FAM13A: variants seen among roughly 807,000 people sequenced by gnomAD.
FAM13A encodes protein FAM13A.
A neutral mutation model predicts 129.6 loss-of-function variants in FAM13A; 76 were observed. The ratio of observed to expected loss-of-function variants is 0.59; its 90% CI spans 0.49 to 0.71. The LOEUF is 0.71. Among genes scored for constraint, FAM13A ranks in the 30% least tolerant of loss-of-function variants. The probability of loss-of-function intolerance (pLI) is 0.00; values close to 1 mark genes in which losing one functional copy is unlikely to be tolerated. For missense variants in FAM13A, 1,108 were observed against 1,249.3 expected, an observed-to-expected ratio of 0.89 and a Z score of 1.70; for synonymous variants, 443 against 449.9, an observed-to-expected ratio of 0.98 and a Z score of 0.20.
chr4:89,031,762 T>C (rs1437817672), intron 1 of FAM13A, among the ~76,000 whole-genome samples: 1 of 152,224 alleles, frequency 6.6e-6, no homozygotes, highest in Non-Finnish European at 1.5e-5. Context: ...AATATTCTGA[T>C]GACCTAATAA....
chr4:89,035,293 T>C (rs775401975), intron 1 of FAM13A, among the ~76,000 whole-genome samples: 114 of 152,126 alleles, frequency 7.5e-4, no homozygotes, highest in Admixed American at 9.2e-4. Flanking sequence ...CATCACGTAA[T>C]ATACCCTTGT....
At chr4:88,801,571 A>T (rs1290228312) in intron 8 of FAM13A, among the ~76,000 whole-genome samples, 1 of 152,232 alleles carries the variant, frequency 6.6e-6, no homozygotes, top group East Asian at 1.9e-4. Context: ...ACCTGCTAGA[A>T]GACAGGTGTT....
chr4:89,044,834 T>A (rs1411750324), intron 1 of FAM13A, among the ~76,000 whole-genome samples: 1 of 151,646 alleles, frequency 6.6e-6, no homozygotes, highest in Non-Finnish European at 1.5e-5. Context: ...AAGACAAAAA[T>A]TGTCTAGTTC....
chr4:88,828,024 A>G (rs1364206986), intron 7 of FAM13A, among the ~76,000 whole-genome samples: 2 of 152,302 alleles, frequency 1.3e-5, no homozygotes, highest in South Asian at 2.1e-4. Context: ...GAACTTTTCT[A>G]TCCTAAATAT....
At chr4:88,737,425 G>T in intron 21 of FAM13A, 47 bp downstream of exon 21, 1 of 1,510,212 alleles carries the variant, frequency 6.6e-7, no homozygotes, top group South Asian at 1.1e-5. Context: ...GGAGGAGGGA[G>T]GGAACTGGTG....
Position 88,727,209 on chromosome 4 carries a change from C to T in FAM13A, c.*1324G>A, listed in dbSNP as rs986514412. 2.0e-5 allele frequency: 3 copies of T among 152,676 alleles called. No homozygotes were observed. Among genetic ancestry groups the T allele is most frequent in the African/African-American group, 7.2e-5 (3 of 41,444 alleles). The allele number at this position is 152,676 out of a possible 1,614,324, so 9.5% of individuals were successfully genotyped here. ...TCAGCCGTGGCAGGCGAGCAGATGC[C>T]TGGGCTCGGCCTCGCAAAGCACAAA... On this transcript the variant is annotated 3_prime_UTR_variant, in exon 24 of 24. Coordinates refer to ENST00000264344, the MANE Select transcript of FAM13A (RefSeq NM_014883.4).
chr4:88,891,709 C>A (rs1211583389), intron 6 of FAM13A, among the ~76,000 whole-genome samples: 1 of 152,086 alleles, frequency 6.6e-6, no homozygotes, highest in Non-Finnish European at 1.5e-5. Context: ...AAAAGCCATA[C>A]AATTATCTTA....
At chr4:88,790,680 T>C (rs1001333773) in intron 8 of FAM13A, 53 bp from the exon 9 acceptor site, 2 of 1,510,310 alleles carry the variant, frequency 1.3e-6, no homozygotes, top group African/African-American at 1.4e-5. Flanking sequence ...TCAGAGATGA[T>C]GAACCAAACA....
chr4:88,922,400 C>T (rs1368561627), intron 5 of FAM13A, among the ~76,000 whole-genome samples: 6 of 152,080 alleles, frequency 3.9e-5, no homozygotes. Context: ...AAGAAACTCA[C>T]TCAAAACCGC....
In FAM13A at chr4:88,913,100, GAGGAGGAAGAGGAAGAGGAAGAAGAAC is replaced by G. The variant is rs1472311978; in HGVS notation, c.760-6665_760-6639del. 4.6e-5 allele frequency among the ~76,000 whole-genome samples: 7 copies of G among 151,426 alleles called. No individual in the cohort carries two copies. The East Asian group carries it at 7.8e-4, about 17-fold the overall frequency. On this transcript the variant is annotated intron_variant, in intron 5 of 23. Transcript: ENST00000264344. The stretch of plus-strand genomic sequence containing the variant: ...GGAGGAGGAAGAAGAAGAAGAGGAG[GAGGAGGAAGAGGAAGAGGAAGAAGAAC>G]AGGAGGAAGAGGAAGAGGAAGAAGA...
At chr4:88,928,168 T>C (rs1278207915) in intron 5 of FAM13A, among the ~76,000 whole-genome samples, 2 of 152,162 alleles carry the variant, frequency 1.3e-5, no homozygotes, top group African/African-American at 2.4e-5. Flanking sequence ...TATTAATTTC[T>C]AGTTTTTATT....
intron 6 of FAM13A, among the ~76,000 whole-genome samples, chr4:88,893,301 CA>C (rs2150172615): frequency 6.6e-6 from 1 of 152,298 alleles, no homozygotes; most frequent in East Asian, 1.9e-4. Context: ...CGAAAAGGTC[CA>C]TGCTCCACTG....
rs543603476 is a variant in FAM13A at position 88,925,955 on chromosome 4, G to A, written c.759+12133C>T. ...TATTTGAGATGTCTCAGTTGGACCC[G>A]CACCAACTTAACCAGAAGCAGAACT... On this transcript the variant is annotated intron_variant, in intron 5 of 23. Transcript: ENST00000264344. 5.9e-5 allele frequency among the ~76,000 whole-genome samples: 9 copies of A among 152,134 alleles called. No homozygotes were observed. The South Asian group carries it at 6.2e-4, about 11-fold the overall frequency.
chr4:88,756,837 T>TA (rs1001699645), intron 14 of FAM13A, among the ~76,000 whole-genome samples: 29 of 148,032 alleles, frequency 2.0e-4, no homozygotes, highest in East Asian at 1.4e-3. Context: ...TACATAAGCT[T>TA]AAAAAAAAAA....
chr4:89,041,559 C>T lies in FAM13A; in HGVS notation c.28-11910G>A, dbSNP rs1579899568. 3.2e-5 allele frequency among the ~76,000 whole-genome samples: 3 copies of T among 93,662 alleles called. No homozygotes were observed. In the South Asian group the frequency reaches 9.1e-4, roughly 28 times the overall value. The allele number at this position is 93,662 out of a possible 152,430, so 61.4% of individuals were successfully genotyped here. A position where few individuals can be genotyped will look rare whatever the true frequency, so the allele number is the denominator to read the frequency against. ...ATAATGTATGTAAAAGCATTTCTCA[C>T]ACAGTAAGAGAGTTAATGCTGAAAA... On this transcript the variant is annotated intron_variant, in intron 1 of 23. Coordinates refer to ENST00000264344, the MANE Select transcript of FAM13A (RefSeq NM_014883.4).
intron 1 of FAM13A, among the ~76,000 whole-genome samples, chr4:89,053,380 T>G (rs1174386874): frequency 6.6e-6 from 1 of 152,176 alleles, no homozygotes; most frequent in Non-Finnish European, 1.5e-5. Context: ...GGTCCTTTCT[T>G]CCCACTTAAG....
chr4:88,822,698 T>TC (rs1338452616), intron 7 of FAM13A, among the ~76,000 whole-genome samples: 1 of 152,238 alleles, frequency 6.6e-6, no homozygotes, highest in African/African-American at 2.4e-5. Context: ...TCCATGTTTT[T>TC]CTTCAGATTT....
chr4:88,732,141 G>C lies in FAM13A; in HGVS notation c.2704C>G (p.Leu902Val), dbSNP rs1737962386. Residue 902 changes from leucine to valine, a missense_variant, in exon 22 of 24, where the codon CTG becomes GTG. Leu to Val is a conservative substitution (Grantham distance 32, BLOSUM62 1). This residue lies in a region of FAM13A where 529 missense variants were observed against 621.2 expected (regional missense o/e 0.85). Coordinates refer to ENST00000264344, the MANE Select transcript of FAM13A (RefSeq NM_014883.4). ...SNVKPDFMVT[L>V]KTDFSARCFL... ...CATCGTGCACTGAAATCGGTTTTCA[G>C]AGTGACCATGAAGTCTGGCTTCACA... 5.6e-6 allele frequency: 9 copies of C among 1,613,776 alleles called. No individual in the cohort carries two copies. Among genetic ancestry groups the C allele is most frequent in the Non-Finnish European group, 7.6e-6 (9 of 1,179,810 alleles).
At chr4:88,916,400 G>T (rs1750127053) in intron 5 of FAM13A, among the ~76,000 whole-genome samples, 1 of 152,124 alleles carries the variant, frequency 6.6e-6, no homozygotes, top group Non-Finnish European at 1.5e-5. Context: ...GCTTTCCCTA[G>T]TTATGTTTTT....
Sources: allele counts gnomAD v4.1 joint callset (sites outside exome capture counted in the v4.1 genomes callset), GRCh38; gene constraint gnomAD v4.1.1; regional missense constraint gnomAD v4.1.1; transcripts MANE v1.5; gene names NCBI Gene and HGNC (gene_info 2026-07-23, HGNC 2026-07-21).